Variants in RUNX2 observed in about 807,000 individuals in gnomAD.
RUNX2 encodes the protein runt-related transcription factor 2.
RUNX2 carries 10 observed loss-of-function variants against 51.7 expected under a neutral mutation model. The ratio of observed to expected loss-of-function variants is 0.19; its 90% confidence interval spans 0.12 to 0.33. RUNX2 has a LOEUF of 0.33. RUNX2 is among the 10% of genes least tolerant of loss of function. RUNX2 has a pLI of 1.00. For missense variants in RUNX2, 562 were observed against 691.3 expected (o/e 0.81, Z 2.10); for synonymous variants, 276 against 273.6 (o/e 1.01, Z -0.09).
intron 2 of RUNX2, among the ~76,000 whole-genome samples, chr6:45,339,181 A>AGAGT (rs1434700366): frequency 1.3e-5 from 2 of 152,184 alleles, no homozygotes; most frequent in African/African-American, 4.8e-5. Flanking sequence ...AGGGATTGAA[A>AGAGT]GAGTATTCCA....
At chr6:45,347,345 C>A (rs1158428249) in intron 2 of RUNX2, among the ~76,000 whole-genome samples, 4 of 151,938 alleles carry the variant, frequency 2.6e-5, no homozygotes, top group African/African-American at 9.7e-5. Context: ...GATGTATTTC[C>A]TTCTTTCTCA....
intron 2 of RUNX2, among the ~76,000 whole-genome samples, chr6:45,419,646 A>G (rs868132468): frequency 1.3e-5 from 2 of 152,286 alleles, no homozygotes; most frequent in Middle Eastern, 3.4e-3. Flanking sequence ...AGACCTGTGC[A>G]CGCAGGGGAC....
intron 2 of RUNX2, among the ~76,000 whole-genome samples, chr6:45,376,488 C>G (rs1489927218): frequency 1.3e-5 from 2 of 152,190 alleles, no homozygotes; most frequent in Non-Finnish European, 2.9e-5. Context: ...TATCACATTT[C>G]AAGTGCTGAA....
chr6:45,519,603 A>G (rs1801435695), intron 7 of RUNX2, among the ~76,000 whole-genome samples: 1 of 151,476 alleles, frequency 6.6e-6, no homozygotes, highest in Non-Finnish European at 1.5e-5. Context: ...AACTGTCTCT[A>G]TAGTTTTGCC....
At chr6:45,409,296 T>C (rs1288816691) in intron 2 of RUNX2, among the ~76,000 whole-genome samples, 1 of 152,158 alleles carries the variant, frequency 6.6e-6, no homozygotes, top group African/African-American at 2.4e-5. Flanking sequence ...GTGGGTAGAC[T>C]GAAAGATGGG....
At chr6:45,453,231 C>T (rs1799224761) in intron 5 of RUNX2, among the ~76,000 whole-genome samples, 1 of 152,262 alleles carries the variant, frequency 6.6e-6, no homozygotes, top group South Asian at 2.1e-4. Context: ...GCTGTGAGGC[C>T]ACAGGATTGA....
chr6:45,506,949 C>A (rs1800987065), intron 6 of RUNX2, among the ~76,000 whole-genome samples: 1 of 151,974 alleles, frequency 6.6e-6, no homozygotes. Flanking sequence ...AGCCACCGTG[C>A]CTGGCAACAG....
At chr6:45,485,716 T>TATATATATATACAC (rs1554394671) in intron 5 of RUNX2, among the ~76,000 whole-genome samples, 74 of 126,470 alleles carry the variant, frequency 5.9e-4, no homozygotes, top group Middle Eastern at 4.1e-3. Context: ...TATATATATA[T>TATATATATATACAC]ACACATATTT....
chr6:45,539,749 C>A (rs1554400788), intron 7 of RUNX2, among the ~76,000 whole-genome samples: 1 of 152,158 alleles, frequency 6.6e-6, no homozygotes, highest in Non-Finnish European at 1.5e-5. Flanking sequence ...ATCTGCTTTG[C>A]AAAATTTTTT....
intron 5 of RUNX2, among the ~76,000 whole-genome samples, chr6:45,475,204 A>G (rs1056850254): frequency 6.6e-6 from 1 of 152,150 alleles, no homozygotes; most frequent in Non-Finnish European, 1.5e-5. Context: ...TGTGACAGAA[A>G]GTGATAGAAC....
At chr6:45,491,552 C>T (rs4714855) in intron 5 of RUNX2, among the ~76,000 whole-genome samples, 3 of 151,212 alleles carry the variant, frequency 2.0e-5, no homozygotes, top group Non-Finnish European at 4.4e-5. Flanking sequence ...CACGGACTCT[C>T]TGAACTTTCA....
At chr6:45,525,829 T>C (rs1380313969) in intron 7 of RUNX2, among the ~76,000 whole-genome samples, 2 of 151,992 alleles carry the variant, frequency 1.3e-5, no homozygotes, top group Non-Finnish European at 2.9e-5. Context: ...ACCCCGTCTC[T>C]ACAGAAAATA....
chr6:45,339,589 A>T (rs961872966), intron 2 of RUNX2, among the ~76,000 whole-genome samples: 5 of 152,088 alleles, frequency 3.3e-5, no homozygotes, highest in Non-Finnish European at 7.4e-5. Flanking sequence ...TGTGTTTAAC[A>T]AGCTATATTA....
chr6:45,343,247 CA>C (rs200776808), intron 2 of RUNX2, among the ~76,000 whole-genome samples: 3,096 of 152,226 alleles, frequency 0.02, 40 homozygotes, highest in Non-Finnish European at 0.032. Context: ...CAGTGGCTCA[CA>C]CCTGTAATCC....
In RUNX2 at chr6:45,387,332, T is replaced by C. The variant is rs1797371708; in HGVS notation, c.59-35261T>C. Among the ~76,000 whole-genome samples, 3 of 152,286 alleles carry C rather than the reference T, an allele frequency of 2.0e-5. No individual in the cohort carries two copies. The South Asian group carries it at 6.2e-4, about 32-fold the overall frequency. On this transcript the variant is annotated intron_variant, in intron 2 of 8. Coordinates refer to ENST00000647337, the MANE Select transcript of RUNX2 (RefSeq NM_001024630.4). ...AGTCAAGATAGAAGCTAGAATAAAT[T>C]ATGTAGTTCAAGAGAGTGGCTGCAC... is the stretch of plus-strand genomic sequence containing the variant.
intron 7 of RUNX2, among the ~76,000 whole-genome samples, chr6:45,528,574 T>G (rs1470345569): frequency 6.6e-6 from 1 of 152,116 alleles, no homozygotes; most frequent in Non-Finnish European, 1.5e-5. Flanking sequence ...TGAGCCTAGC[T>G]TGTGCCACTG....
At chr6:45,523,673 G>A (rs963274311) in intron 7 of RUNX2, among the ~76,000 whole-genome samples, 2 of 151,908 alleles carry the variant, frequency 1.3e-5, no homozygotes, top group Admixed American at 6.5e-5. Context: ...GGTGGCTCAC[G>A]CCTGTAATCC....
intron 5 of RUNX2, among the ~76,000 whole-genome samples, chr6:45,487,371 AAAG>A (rs1800314970): frequency 1.3e-5 from 2 of 152,162 alleles, no homozygotes; most frequent in Admixed American, 1.3e-4. Flanking sequence ...CTCATCCATA[AAAG>A]AAGCATGTTA....
intron 7 of RUNX2, among the ~76,000 whole-genome samples, chr6:45,544,583 G>T (rs1049508139): frequency 3.3e-5 from 5 of 152,186 alleles, no homozygotes; most frequent in Non-Finnish European, 7.4e-5. Flanking sequence ...TCTGCAGGGG[G>T]CACACGTTGG....
Sources: allele counts gnomAD v4.1 joint callset (sites outside exome capture counted in the v4.1 genomes callset), GRCh38; gene constraint gnomAD v4.1.1; transcripts MANE v1.5; gene names NCBI Gene and HGNC (gene_info 2026-07-23, HGNC 2026-07-21).